Variants in ANGEL2 observed in about 807,000 individuals in gnomAD.
ANGEL2 encodes the protein RNA 2',3'-cyclic phosphatase ANGEL2.
Under a neutral mutation model 66.0 loss-of-function variants are expected in ANGEL2, and 41 were observed. That is an observed-to-expected ratio of 0.62 (90% CI 0.48 to 0.81). The LOEUF is 0.81. Among genes scored for constraint, ANGEL2 ranks in the 30% least tolerant of loss-of-function variants. ANGEL2 has a pLI of 0.00. For synonymous variants in ANGEL2, 208 were observed against 226.5 expected, an observed-to-expected ratio of 0.92 and a Z score of 0.73; for missense variants, 561 against 641.6, an observed-to-expected ratio of 0.87 and a Z score of 1.36.
chr1:213,007,334 G>A (rs2076362424), intron 3 of ANGEL2, 136 bp from the exon 4 acceptor site: 2 of 678,064 alleles, frequency 2.9e-6, no homozygotes, highest in African/African-American at 3.7e-5. Flanking sequence ...AGACTTACCT[G>A]TTTTTCTTGT....
rs1317351664 is a variant in ANGEL2 at position 212,993,738 on chromosome 1, A to C, written c.*1303T>G. The C allele has an allele frequency of 2.0e-5, 3 of 152,240 alleles. No homozygotes were observed. Among genetic ancestry groups the C allele is most frequent in the Admixed American group, 2.0e-4 (3 of 15,290 alleles). 9.4% of individuals were successfully genotyped at this position (152,240 alleles called of 1,614,324 possible). A position where few individuals can be genotyped will look rare whatever the true frequency, so the allele number is the denominator to read the frequency against. ...ATCTCATACTGGTGCATCACGGTAAAAGAAAACATTTTAGAAACAAAACCA... is the reference window on the plus strand; with the variant it reads ...ATCTCATACTGGTGCATCACGGTAACAGAAAACATTTTAGAAACAAAACCA... On this transcript the variant is annotated 3_prime_UTR_variant, in exon 9 of 9. Coordinates refer to ENST00000366962, the MANE Select transcript of ANGEL2 (RefSeq NM_144567.5).
In ANGEL2 at chr1:212,993,371, A is replaced by C. The variant is rs1442487859; in HGVS notation, c.*1670T>G. 6.6e-6 allele frequency: 1 copy of C among 152,238 alleles called. No homozygotes were observed. Among genetic ancestry groups the C allele is most frequent in the Non-Finnish European group, 1.5e-5 (1 of 68,044 alleles). The allele number at this position is 152,238 out of a possible 1,614,324, so 9.4% of individuals were successfully genotyped here. A position where few individuals can be genotyped will look rare whatever the true frequency, so the allele number is the denominator to read the frequency against. ...TAAATATTTAAACATATTCAATTACAATTTTTACTAGACAAATCTTATAAT... is the reference window on the plus strand; with the variant it reads ...TAAATATTTAAACATATTCAATTACCATTTTTACTAGACAAATCTTATAAT... On this transcript the variant is annotated 3_prime_UTR_variant, in exon 9 of 9. Transcript: ENST00000366962.
Position 212,995,049 on chromosome 1 carries a change from C to A in ANGEL2, c.1627G>T (p.Glu543Ter), listed in dbSNP as rs1462514320. Residue 543 changes from glutamate (E) to a stop codon, truncating the protein, a stop_gained, in exon 9 of 9, where the codon GAG (glutamate) becomes TAG (stop). Transcript: ENST00000366962. LOFTEE classifies it high-confidence loss of function. ...HLPLLAKFRL[E>*]L ...TATGTGATCAAAGAGAGTCAGAGCT[C>A]AAGTCTGAACTTTGCCAATAAAGGC... is the stretch of plus-strand genomic sequence containing the variant. 6.2e-7 allele frequency: 1 copy of A among 1,601,660 alleles called. No individual in the cohort carries two copies. Among genetic ancestry groups the A allele is most frequent in the Non-Finnish European group, 8.5e-7 (1 of 1,174,964 alleles).
chr1:212,996,640 A>AATATATATATATAT (rs34712162), intron 8 of ANGEL2, among the ~76,000 whole-genome samples: 6 of 66,476 alleles, frequency 9.0e-5, no homozygotes, highest in African/African-American at 3.5e-4. Flanking sequence ...AAAAAAAAAA[A>AATATATATATATAT]ATATATATAT....
intron 8 of ANGEL2, among the ~76,000 whole-genome samples, chr1:212,996,636 AAAAAATATATATATATATATAT>A (rs2076021773): frequency 4.8e-5 from 2 of 41,950 alleles, no homozygotes; most frequent in Non-Finnish European, 1.4e-4. Flanking sequence ...AAAAAAAAAA[AAAAAATATATATATATATATAT>A]ATATATATAT....
intron 7 of ANGEL2, 84 bp downstream of exon 7, chr1:213,000,242 T>G (rs2076141494): frequency 7.4e-7 from 1 of 1,354,138 alleles, no homozygotes; most frequent in Non-Finnish European, 1.1e-6. Context: ...TCACCTTCAT[T>G]TTTTTATCCA....
rs753936578 is a variant in ANGEL2 at position 213,005,101 on chromosome 1, G to T, written c.1066C>A (p.Pro356Thr). 1 of 1,612,534 alleles carries T rather than the reference G, an allele frequency of 6.2e-7. No individual in the cohort carries two copies. The highest frequency in any genetic ancestry group is 1.1e-5 in the South Asian group (1 of 90,824). The change falls in exon 5 of 9, where the codon CCT becomes ACT. Residue 356 changes from proline (P) to threonine (T), a missense_variant. Coordinates refer to ENST00000366962, the MANE Select transcript of ANGEL2 (RefSeq NM_144567.5). The part of the protein sequence containing the change: ...IVMCGDFNSV[P>T]GSPLYSFIKE... ...ATGAAACTATATAGTGGAGAACCAG[G>T]AACAGAATTAAAGTCACCACACATA...
rs2076029093 is a variant in ANGEL2 at position 212,996,646 on chromosome 1, TATATATA to T, written c.1483+502_1483+508del. 7.0e-5 allele frequency among the ~76,000 whole-genome samples: 6 copies of T among 85,588 alleles called. No homozygotes were observed. The Admixed American group carries it at 7.8e-4, about 11-fold the overall frequency. The allele number at this position is 85,588 out of a possible 152,430, so 56.1% of individuals were successfully genotyped here. A position where few individuals can be genotyped will look rare whatever the true frequency, so the allele number is the denominator to read the frequency against. Reference sequence around the variant, plus strand: ...TCCAAAAAAAAAAAAAAAAAATATATATATATATATATATATATATATATACTTTTCC... The same window carrying T: ...TCCAAAAAAAAAAAAAAAAAATATATTATATATATATATATATACTTTTCC... On this transcript the variant is annotated intron_variant, in intron 8 of 8. Coordinates refer to ENST00000366962, the MANE Select transcript of ANGEL2 (RefSeq NM_144567.5).
chr1:212,995,304 A>C, intron 8 of ANGEL2, 112 bp from the exon 9 acceptor site: 255 of 814,604 alleles, frequency 3.1e-4, no homozygotes, highest in Non-Finnish European at 4.2e-4. Flanking sequence ...CCTCCAGAAG[A>C]CTAAAAACTA....
chr1:213,008,094 C>T, intron 3 of ANGEL2, 116 bp downstream of exon 3: 2 of 1,161,220 alleles, frequency 1.7e-6, no homozygotes, highest in Non-Finnish European at 1.2e-6. Flanking sequence ...AAACTACCGA[C>T]CTCAGGTGAT....
At chr1:213,004,622 C>A (rs2148154555) in intron 5 of ANGEL2, among the ~76,000 whole-genome samples, 1 of 152,124 alleles carries the variant, frequency 6.6e-6, no homozygotes, top group South Asian at 2.1e-4. Context: ...GTAATCCCAG[C>A]ACTTTGGGAG....
intron 1 of ANGEL2, 99 bp downstream of exon 1, chr1:213,015,514 A>G: frequency 1.3e-5 from 19 of 1,407,630 alleles, no homozygotes; most frequent in East Asian, 2.9e-5. Context: ...TTCCACCCCT[A>G]GCCCGCCCCG....
rs747668549 is a variant in ANGEL2 at position 213,008,337 on chromosome 1, T to C, written c.515A>G (p.Tyr172Cys). Residue 172 changes from tyrosine to cysteine, a missense_variant, in exon 3 of 9, where the codon TAT becomes TGT. Tyr to Cys is a radical substitution (Grantham distance 194, BLOSUM62 -2). Transcript: ENST00000366962. Reference sequence around the variant, plus strand: ...CAGTAAATCTTGTGAAAGTATATTATAGGACATCACTGAAAAGTCAAACTT... The same window carrying C: ...CAGTAAATCTTGTGAAAGTATATTACAGGACATCACTGAAAAGTCAAACTT... ...ENKFDFSVMS[Y>C]NILSQDLLED... 1.2e-6 allele frequency: 2 copies of C among 1,614,218 alleles called. No individual in the cohort carries two copies. The highest frequency in any genetic ancestry group is 2.2e-5 in the East Asian group (1 of 44,870).
At chr1:212,995,857 A>C (rs1191020982) in intron 8 of ANGEL2, among the ~76,000 whole-genome samples, 1 of 152,220 alleles carries the variant, frequency 6.6e-6, no homozygotes, top group Non-Finnish European at 1.5e-5. Flanking sequence ...AAAGAAAAAG[A>C]AGCATCCAAA....
At chr1:213,010,329 T>C (rs2076470864) in intron 2 of ANGEL2, among the ~76,000 whole-genome samples, 1 of 151,496 alleles carries the variant, frequency 6.6e-6, no homozygotes, top group East Asian at 1.9e-4. Flanking sequence ...CCCAGCACTT[T>C]GGGAGGCCAA....
chr1:213,001,085 C>T (rs2076166431), intron 5 of ANGEL2, 173 bp from the exon 6 acceptor site: 1 of 593,306 alleles, frequency 1.7e-6, no homozygotes, highest in Non-Finnish European at 2.8e-6. Context: ...AAATACAATT[C>T]AGAAAGCACT....
At chr1:212,997,018 ATCTG>A (rs1162891534) in intron 8 of ANGEL2, 133 bp downstream of exon 8, 109 of 758,858 alleles carry the variant, frequency 1.4e-4, no homozygotes, top group Middle Eastern at 2.7e-4. Context: ...TATATTACCA[ATCTG>A]TCTATTTCGA....
intron 2 of ANGEL2, among the ~76,000 whole-genome samples, chr1:213,010,598 A>G (rs1284693193): frequency 1.3e-5 from 2 of 151,506 alleles, no homozygotes; most frequent in African/African-American, 2.4e-5. Flanking sequence ...AGAACTGATC[A>G]TGTGTAGAAC....
chr1:212,995,393 A>AT (rs1182317116), intron 8 of ANGEL2, among the ~76,000 whole-genome samples: 3 of 152,340 alleles, frequency 2.0e-5, no homozygotes, highest in Non-Finnish European at 4.4e-5. Flanking sequence ...AGTTTGAGAT[A>AT]TTTTTTCTAT....
Sources: allele counts gnomAD v4.1 joint callset (sites outside exome capture counted in the v4.1 genomes callset), GRCh38; gene constraint gnomAD v4.1.1; transcripts MANE v1.5; gene names NCBI Gene and HGNC (gene_info 2026-07-23, HGNC 2026-07-21).